TMEM41B: variants seen among roughly 807,000 people sequenced by gnomAD.
The protein encoded by TMEM41B is protein stasimon.
A neutral mutation model predicts 31.9 loss-of-function variants in TMEM41B; 18 were observed. The observed-to-expected ratio is 0.56, with a 90% confidence interval of 0.39 to 0.84. The LOEUF is 0.84. Among genes scored for constraint, TMEM41B ranks in the 40% least tolerant of loss-of-function variants. The pLI, the probability that TMEM41B is intolerant of heterozygous loss-of-function variation, is 0.00. For missense variants in TMEM41B, 322 were observed against 348.0 expected (o/e 0.93, Z 0.59); for synonymous variants, 144 against 124.3 (o/e 1.16, Z -1.05).
chr11:9,294,581 A>G (rs1431424363), intron 3 of TMEM41B, among the ~76,000 whole-genome samples: 2 of 152,164 alleles, frequency 1.3e-5, no homozygotes, highest in Non-Finnish European at 2.9e-5. Flanking sequence ...GAAGATCTGG[A>G]AAACAGTTTG....
At chr11:9,292,020 A>T (rs995476306) in intron 3 of TMEM41B, among the ~76,000 whole-genome samples, 3 of 152,132 alleles carry the variant, frequency 2.0e-5, no homozygotes, top group African/African-American at 7.2e-5. Flanking sequence ...TTTCTTTTTA[A>T]CATAAATATG....
chr11:9,288,361 A>C, intron 4 of TMEM41B, 81 bp downstream of exon 4: 1 of 942,926 alleles, frequency 1.1e-6, no homozygotes. Flanking sequence ...GCTTACATAG[A>C]CTAGTAGGGT....
chr11:9,297,653 G>A (rs188845621), intron 2 of TMEM41B, among the ~76,000 whole-genome samples: 3 of 151,962 alleles, frequency 2.0e-5, no homozygotes, highest in Non-Finnish European at 2.9e-5. Context: ...ATTGCACCAC[G>A]GCACTCCAGC....
chr11:9,287,674 ATCAAATAATTTAAAAATACATGTTT>A lies in TMEM41B; in HGVS notation c.567+3_567+27del. 6.6e-7 allele frequency: 1 copy of A among 1,512,570 alleles called. No homozygotes were observed. Among genetic ancestry groups the A allele is most frequent in the South Asian group, 1.2e-5 (1 of 85,910 alleles). 93.7% of individuals were successfully genotyped at this position (1,512,570 alleles called of 1,614,324 possible). ...GACCTTCCAATTAACAAAGAGTTAC[ATCAAATAATTTAAAAATACATGTTT>A]ACCTGCTGTGACCATTTTACTGCTT... On this transcript the variant is annotated splice_donor_5th_base_variant and intron_variant, in intron 5 of 6. Transcript: ENST00000528080.
chr11:9,311,425 G>A, intron 1 of TMEM41B: 1 of 1,384,618 alleles, frequency 7.2e-7, no homozygotes, highest in East Asian at 2.3e-5. Flanking sequence ...CTCACAGGAG[G>A]CATTCCAGGA....
chr11:9,283,327 G>A lies in TMEM41B; in HGVS notation c.*97C>T, dbSNP rs770249287. 2.4e-5 allele frequency: 22 copies of A among 924,386 alleles called. No individual in the cohort carries two copies. Among genetic ancestry groups the A allele is most frequent in the Non-Finnish European group, 3.3e-5 (21 of 632,732 alleles). 57.3% of individuals were successfully genotyped at this position (924,386 alleles called of 1,614,324 possible). On this transcript the variant is annotated 3_prime_UTR_variant, in exon 7 of 7. Coordinates refer to ENST00000528080, the MANE Select transcript of TMEM41B (RefSeq NM_015012.4). ...GGAAATTTTATTTTACAAATTCCTTGTTTAATTACTGAAGAGGTGATTTTA... is the reference window on the plus strand; with the variant it reads ...GGAAATTTTATTTTACAAATTCCTTATTTAATTACTGAAGAGGTGATTTTA...
intron 3 of TMEM41B, among the ~76,000 whole-genome samples, chr11:9,292,847 T>C (rs542409567): frequency 6.6e-6 from 1 of 152,208 alleles, no homozygotes; most frequent in South Asian, 2.1e-4. Flanking sequence ...CTATTTTCCA[T>C]AGTAGCTGCA....
chr11:9,300,888 A>AC (rs1387912202), intron 1 of TMEM41B, among the ~76,000 whole-genome samples: 1 of 151,982 alleles, frequency 6.6e-6, no homozygotes, highest in East Asian at 1.9e-4. Flanking sequence ...AAAAAAAAAA[A>AC]AATTATATTA....
At position 9,280,826 on chromosome 11, in the gene TMEM41B, C is replaced by T. The variant is rs1243461417; in HGVS notation, c.*2598G>A. The T allele has an allele frequency of 6.6e-6, 1 of 152,200 alleles. No individual in the cohort carries two copies. The highest frequency in any genetic ancestry group is 2.4e-5 in the African/African-American group (1 of 41,440). The allele number at this position is 152,200 out of a possible 1,614,324, so 9.4% of individuals were successfully genotyped here. ...CCTAGTTAGCCTGCTTGCCTCCGCA[C>T]CACAGATGCTTGTCTTCTTGTGGTT... On this transcript the variant is annotated 3_prime_UTR_variant, in exon 7 of 7. Coordinates refer to ENST00000528080, the MANE Select transcript of TMEM41B (RefSeq NM_015012.4).
At chr11:9,311,162 G>C in intron 1 of TMEM41B, 4 of 1,174,932 alleles carry the variant, frequency 3.4e-6, no homozygotes, top group Non-Finnish European at 4.6e-6. Context: ...GTGAAGCTCA[G>C]GCGGGGGTAG....
chr11:9,312,025 G>C (rs1018612239), intron 1 of TMEM41B, among the ~76,000 whole-genome samples: 1 of 152,176 alleles, frequency 6.6e-6, no homozygotes. Flanking sequence ...TCATTTCCAA[G>C]TATCATGGAA....
intron 1 of TMEM41B, among the ~76,000 whole-genome samples, chr11:9,304,627 A>G (rs1468868496): frequency 1.3e-5 from 2 of 149,684 alleles, no homozygotes; most frequent in Admixed American, 6.7e-5. Context: ...CTGGGACCAC[A>G]GGTGTTTGTG....
intron 1 of TMEM41B, among the ~76,000 whole-genome samples, chr11:9,304,611 G>C (rs1179438637): frequency 6.6e-6 from 1 of 150,516 alleles, no homozygotes; most frequent in East Asian, 2.0e-4. Flanking sequence ...TCAGCCTCCT[G>C]ACTAGCTGGG....
At chr11:9,283,659 C>T (rs572141144) in intron 6 of TMEM41B, 66 bp from the exon 7 acceptor site, 1 of 1,398,544 alleles carries the variant, frequency 7.2e-7, no homozygotes, top group South Asian at 1.3e-5. Context: ...TTAAAATGTT[C>T]TGTGTGCATA....
At chr11:9,291,099 G>C (rs992549422) in intron 3 of TMEM41B, among the ~76,000 whole-genome samples, 3 of 152,076 alleles carry the variant, frequency 2.0e-5, no homozygotes, top group African/African-American at 7.2e-5. Context: ...CTGGGAAATA[G>C]AGTGAGACTC....
intron 3 of TMEM41B, among the ~76,000 whole-genome samples, chr11:9,292,310 C>A (rs372023964): frequency 1.3e-5 from 2 of 152,144 alleles, no homozygotes; most frequent in South Asian, 4.1e-4. Context: ...GGGAATGTGA[C>A]TTGAGCTTAA....
rs1234200679 is a variant in TMEM41B at position 9,286,467 on chromosome 11, C to A, written c.694G>T (p.Gly232Cys). The A allele has an allele frequency of 6.2e-7, 1 of 1,610,636 alleles. No individual in the cohort carries two copies. The highest frequency in any genetic ancestry group is 1.3e-5 in the African/African-American group (1 of 74,754). ...INVPLKVFFI[G>C]TFLGVAPPSF... ...CCAGAGGGCTTACCTAGAAAAGTAC[C>A]AATAAAAAAAACTTTCAATGGCACG... The change falls in exon 6 of 7, where the codon GGT becomes TGT. Residue 232 changes from glycine (G) to cysteine (C), a missense_variant. This residue lies in a region of TMEM41B where 92 missense variants were observed against 88.0 expected (regional missense o/e 1.05). Transcript: ENST00000528080.
At chr11:9,296,895 C>T (rs143620450) in intron 2 of TMEM41B, among the ~76,000 whole-genome samples, 1 of 152,252 alleles carries the variant, frequency 6.6e-6, no homozygotes, top group Non-Finnish European at 1.5e-5. Flanking sequence ...CTTTGTGTTT[C>T]ATGCATATTA....
In TMEM41B at chr11:9,282,065, C is replaced by T. The variant is rs559873968; in HGVS notation, c.*1359G>A. The stretch of plus-strand genomic sequence containing the variant: ...CTTGTGGGATATTAAAGAGCCATAA[C>T]AAATTATCTGAATATAAATTATCAA... On this transcript the variant is annotated 3_prime_UTR_variant, in exon 7 of 7. Coordinates refer to ENST00000528080, the MANE Select transcript of TMEM41B (RefSeq NM_015012.4). The T allele has an allele frequency of 1.3e-5, 2 of 152,094 alleles. No homozygotes were observed. The highest frequency in any genetic ancestry group is 2.9e-5 in the Non-Finnish European group (2 of 68,004). 9.4% of individuals were successfully genotyped at this position (152,094 alleles called of 1,614,324 possible).
Sources: allele counts gnomAD v4.1 joint callset (sites outside exome capture counted in the v4.1 genomes callset), GRCh38; gene constraint gnomAD v4.1.1; regional missense constraint gnomAD v4.1.1; transcripts MANE v1.5; gene names NCBI Gene and HGNC (gene_info 2026-07-23, HGNC 2026-07-21).